The following PDE1C variants were observed in gnomAD, a reference collection of about 807,000 sequenced individuals.
PDE1C encodes the protein dual specificity calcium/calmodulin-dependent 3',5'-cyclic nucleotide phosphodiesterase 1C.
Under a neutral mutation model 93.1 loss-of-function variants are expected in PDE1C, and 62 were observed. The observed-to-expected ratio is 0.67, with a 90% CI of 0.54 to 0.82. The LOEUF (loss-of-function observed/expected upper bound fraction) is 0.82. Among genes scored for constraint, PDE1C ranks in the 40% least tolerant of loss-of-function variants. PDE1C has a pLI of 0.00. For missense variants in PDE1C, 742 were observed against 884.6 expected, an observed-to-expected ratio of 0.84 and a Z score of 2.04; for synonymous variants, 325 against 310.1, an observed-to-expected ratio of 1.05 and a Z score of -0.50.
intron 1 of PDE1C, among the ~76,000 whole-genome samples, chr7:32,320,416 T>A (rs12531102): frequency 6.6e-6 from 1 of 152,104 alleles, no homozygotes; most frequent in Non-Finnish European, 1.5e-5. Flanking sequence ...CTGGGCTTCA[T>A]ACCTGAATGA....
chr7:31,989,112 GAGAA>G (rs1384545880), intron 2 of PDE1C, among the ~76,000 whole-genome samples: 3 of 149,020 alleles, frequency 2.0e-5, no homozygotes, highest in African/African-American at 5.0e-5. Flanking sequence ...GAAAGAGAAA[GAGAA>G]AGAAAGAGGA....
At chr7:32,386,334 A>G (rs1446983030) in intron 1 of PDE1C, among the ~76,000 whole-genome samples, 2 of 93,742 alleles carry the variant, frequency 2.1e-5, no homozygotes, top group African/African-American at 8.3e-5. Flanking sequence ...ACCTTTTGCT[A>G]TGCCTATTTA....
intron 3 of PDE1C, among the ~76,000 whole-genome samples, chr7:32,125,184 G>T (rs1584808950): frequency 6.6e-6 from 1 of 152,298 alleles, no homozygotes; most frequent in South Asian, 2.1e-4. Flanking sequence ...TCTCACGCCA[G>T]TCAGAATGGC....
At chr7:32,386,883 AT>A (rs570771487) in intron 1 of PDE1C, among the ~76,000 whole-genome samples, 32 of 146,742 alleles carry the variant, frequency 2.2e-4, no homozygotes, top group African/African-American at 2.5e-4. Context: ...TTTTATTTTT[AT>A]TTTTTTTTTT....
At chr7:31,736,352 A>G in the PDE1C span, among the ~76,000 whole-genome samples, 1 of 152,152 alleles carries the variant, frequency 6.6e-6, no homozygotes, top group Admixed American at 6.5e-5. Context: ...TGCCTAATAG[A>G]CAAGGACACA....
chr7:32,253,850 T>C (rs1259086005), intron 1 of PDE1C, among the ~76,000 whole-genome samples: 1 of 152,188 alleles, frequency 6.6e-6, no homozygotes, highest in African/African-American at 2.4e-5. Flanking sequence ...GAGAATTTGA[T>C]CAGAGATCAA....
chr7:32,003,630 C>G (rs1233762944), intron 2 of PDE1C, among the ~76,000 whole-genome samples: 3 of 152,176 alleles, frequency 2.0e-5, no homozygotes, highest in Non-Finnish European at 2.9e-5. Flanking sequence ...AACAACATAG[C>G]TATGACTGGA....
intron 1 of PDE1C, among the ~76,000 whole-genome samples, chr7:32,338,941 T>G (rs879908749): frequency 4.0e-5 from 6 of 151,426 alleles, no homozygotes; most frequent in Non-Finnish European, 7.4e-5. Flanking sequence ...AGGTGGAGCT[T>G]GCAGTGACCC....
At chr7:31,701,831 C>G in the PDE1C span, among the ~76,000 whole-genome samples, 1 of 152,198 alleles carries the variant, frequency 6.6e-6, no homozygotes, top group Admixed American at 6.5e-5. Context: ...TTAAATTAAG[C>G]TATGCTCATT....
In PDE1C at chr7:31,879,840, G is replaced by A. The variant is rs149583832; in HGVS notation, c.243-662C>T. Among the ~76,000 whole-genome samples, 1,165 of 152,138 alleles carry A rather than the reference G, an allele frequency of 7.7e-3. 6 individuals are homozygous for A. The highest frequency in any genetic ancestry group is 0.018 in the African/African-American group (741 of 41,524). ...GTTAAAATAAAACCTAAAATAGCAT[G>A]TCATATTTACAGTAAACCCAACTAA... On this transcript the variant is annotated intron_variant, in intron 3 of 17. Coordinates refer to ENST00000396191, the MANE Select transcript of PDE1C (RefSeq NM_001191057.4).
chr7:31,988,843 A>G (rs1235818737), intron 2 of PDE1C, among the ~76,000 whole-genome samples: 1 of 151,994 alleles, frequency 6.6e-6, no homozygotes, highest in African/African-American at 2.4e-5. Context: ...AAAAATACAA[A>G]AATTAGCTGG....
chr7:32,387,354 A>G (rs1325837907), intron 1 of PDE1C, among the ~76,000 whole-genome samples: 1 of 151,142 alleles, frequency 6.6e-6, no homozygotes, highest in East Asian at 2.0e-4. Context: ...CAAAACCGCC[A>G]TTGTCATCAT....
intron 1 of PDE1C, among the ~76,000 whole-genome samples, chr7:32,336,933 T>G (rs1783637153): frequency 6.6e-6 from 1 of 152,190 alleles, no homozygotes. Context: ...AACAAGTCCC[T>G]AGCCACATCA....
At chr7:31,884,209 GA>G (rs932418201) in intron 2 of PDE1C, among the ~76,000 whole-genome samples, 1 of 149,934 alleles carries the variant, frequency 6.7e-6, no homozygotes, top group Non-Finnish European at 1.5e-5. Flanking sequence ...TGATGAAACA[GA>G]AAAAAAATTC....
intron 1 of PDE1C, among the ~76,000 whole-genome samples, chr7:32,341,787 T>G (rs981202314): frequency 6.6e-6 from 1 of 152,224 alleles, no homozygotes; most frequent in Non-Finnish European, 1.5e-5. Context: ...AGCTCAAGGC[T>G]GTTTGCATGA....
chr7:32,408,150 G>T (rs1785094647), intron 1 of PDE1C, among the ~76,000 whole-genome samples: 2 of 152,164 alleles, frequency 1.3e-5, no homozygotes, highest in South Asian at 4.1e-4. Context: ...CAAGAGGTAC[G>T]CCAAGAGGCT....
At chr7:31,953,498 T>A (rs79999380) in intron 2 of PDE1C, among the ~76,000 whole-genome samples, 1 of 152,230 alleles carries the variant, frequency 6.6e-6, no homozygotes, top group African/African-American at 2.4e-5. Context: ...GTCAGGGTGC[T>A]TGACAGCTCT....
chr7:32,317,112 ATGCCAGGAATGC>A (rs749920538), intron 1 of PDE1C, among the ~76,000 whole-genome samples: 8,788 of 152,304 alleles, frequency 0.058, 878 homozygotes, highest in African/African-American at 0.2. Flanking sequence ...ACTGTGCAGT[ATGCCAGGAATGC>A]AAGACCACAT....
intron 1 of PDE1C, among the ~76,000 whole-genome samples, chr7:32,374,995 T>C (rs2128088704): frequency 1.3e-5 from 2 of 152,228 alleles, no homozygotes; most frequent in Middle Eastern, 3.4e-3. Context: ...TTGAAATCTC[T>C]TGAGTCCTAT....
Sources: gnomAD v4.1 joint callset for allele counts (sites outside exome capture counted in the v4.1 genomes callset) on GRCh38, gnomAD v4.1.1 for gene constraint, MANE v1.5 for transcripts, NCBI Gene and HGNC (gene_info 2026-07-23, HGNC 2026-07-21) for gene names.